The following RAB31 variants were observed in gnomAD, a reference collection of about 807,000 sequenced individuals.
RAB31 encodes the protein ras-related protein Rab-31.
In RAB31, 21 loss-of-function variants were observed where a neutral mutation model predicts 25.6. The observed-to-expected ratio is 0.82, with a 90% CI of 0.58 to 1.18. The LOEUF is 1.18. Ranked by LOEUF, RAB31 falls within the 50% of genes most tolerant of loss-of-function variation. The pLI is 0.00. For synonymous variants in RAB31, 87 were observed against 84.0 expected (o/e 1.04, Z -0.20); for missense variants, 196 against 250.1 (o/e 0.78, Z 1.46).
At chr18:9,826,300 C>T (rs1176548006) in intron 5 of RAB31, among the ~76,000 whole-genome samples, 1 of 152,146 alleles carries the variant, frequency 6.6e-6, no homozygotes, top group Non-Finnish European at 1.5e-5. Context: ...TGCTTGAACC[C>T]AGGAGGCAGA....
chr18:9,794,606 G>A (rs1057259110), intron 3 of RAB31, among the ~76,000 whole-genome samples: 17 of 152,180 alleles, frequency 1.1e-4, no homozygotes, highest in African/African-American at 4.1e-4. Flanking sequence ...CATGAGGTCA[G>A]GAGTTCGAGA....
At chr18:9,788,969 C>CA (rs991504340) in intron 2 of RAB31, among the ~76,000 whole-genome samples, 1 of 151,654 alleles carries the variant, frequency 6.6e-6, no homozygotes, top group Non-Finnish European at 1.5e-5. Context: ...GACCCCATCT[C>CA]AAAAAAACAA....
chr18:9,733,511 G>T (rs2068133743), intron 1 of RAB31, among the ~76,000 whole-genome samples: 1 of 152,174 alleles, frequency 6.6e-6, no homozygotes, highest in Non-Finnish European at 1.5e-5. Flanking sequence ...CAGGCATTCT[G>T]GAAGCCCAGG....
intron 2 of RAB31, among the ~76,000 whole-genome samples, chr18:9,783,055 C>T (rs187921600): frequency 6.6e-6 from 1 of 152,172 alleles, no homozygotes; most frequent in African/African-American, 2.4e-5. Flanking sequence ...GAGTCTTTCT[C>T]CTAGTGGCGA....
At chr18:9,843,197 G>A (rs1323784051) in intron 5 of RAB31, among the ~76,000 whole-genome samples, 1 of 152,154 alleles carries the variant, frequency 6.6e-6, no homozygotes, top group Non-Finnish European at 1.5e-5. Context: ...ATCTCCTCCT[G>A]CACCCCATTG....
At position 9,719,336 on chromosome 18, in the gene RAB31, T is replaced by TATATAA. The variant is rs1175080967; in HGVS notation, c.39+10893_39+10894insTATAAA. On this transcript the variant is annotated intron_variant, in intron 1 of 6. Coordinates refer to ENST00000578921, the MANE Select transcript of RAB31 (RefSeq NM_006868.4). Reference sequence around the variant, plus strand: ...ATATATATATATATATATAAATAAATAAATTTGATCTAATTATGAGGGAGG... The same window carrying TATATAA: ...ATATATATATATATATATAAATAAATATATAAAAATTTGATCTAATTATGAGGGAGG... Among the ~76,000 whole-genome samples, 25 of 83,892 alleles carry TATATAA rather than the reference T, an allele frequency of 3.0e-4. 1 individual carries two copies. In the East Asian group the frequency reaches 7.8e-3, roughly 26 times the overall value. 55.0% of individuals were successfully genotyped at this position (83,892 alleles called of 152,430 possible).
intron 1 of RAB31, among the ~76,000 whole-genome samples, chr18:9,724,129 G>T (rs539787036): frequency 6.0e-5 from 9 of 151,076 alleles, no homozygotes; most frequent in African/African-American, 2.2e-4. Flanking sequence ...AAATTAGCCG[G>T]GCGTAGTGGC....
At chr18:9,738,973 GA>G (rs553866545) in intron 1 of RAB31, among the ~76,000 whole-genome samples, 4 of 152,296 alleles carry the variant, frequency 2.6e-5, no homozygotes, top group Non-Finnish European at 5.9e-5. Context: ...GGTGTGTGGG[GA>G]AAACCTCCTG....
At chr18:9,837,878 A>G (rs968200978) in intron 5 of RAB31, among the ~76,000 whole-genome samples, 2 of 152,128 alleles carry the variant, frequency 1.3e-5, no homozygotes, top group East Asian at 1.9e-4. Context: ...TGGAATGTTG[A>G]TAATTGGACC....
In RAB31 at chr18:9,850,909, AG is replaced by A. The variant is rs1222611954; in HGVS notation, c.490+5220del. 1.3e-4 allele frequency among the ~76,000 whole-genome samples: 20 copies of A among 152,304 alleles called. No homozygotes were observed. In the South Asian group the frequency reaches 4.1e-3, roughly 32 times the overall value. On this transcript the variant is annotated intron_variant, in intron 6 of 6. Transcript: ENST00000578921. ...AAATAAATAAGGTAAATATATTTAG[AG>A]GTACAAGCATATTGGCTTGGAAAAT...
At chr18:9,831,800 C>T (rs1242622912) in intron 5 of RAB31, among the ~76,000 whole-genome samples, 3 of 152,244 alleles carry the variant, frequency 2.0e-5, no homozygotes, top group Non-Finnish European at 4.4e-5. Flanking sequence ...TTCTCGAACA[C>T]GGGGTGCCTC....
chr18:9,854,854 C>T (rs996898124), intron 6 of RAB31, among the ~76,000 whole-genome samples: 1 of 152,150 alleles, frequency 6.6e-6, no homozygotes, highest in Admixed American at 6.5e-5. Flanking sequence ...CAAGTCCTAG[C>T]AAACTTGGTC....
intron 1 of RAB31, among the ~76,000 whole-genome samples, chr18:9,752,690 T>C (rs1412248148): frequency 6.6e-6 from 1 of 152,246 alleles, no homozygotes; most frequent in Non-Finnish European, 1.5e-5. Flanking sequence ...TTTCTGTATG[T>C]TTTATATATT....
chr18:9,781,915 A>G (rs1036849110), intron 2 of RAB31, among the ~76,000 whole-genome samples: 5 of 152,190 alleles, frequency 3.3e-5, no homozygotes, highest in African/African-American at 2.4e-5. Flanking sequence ...ACTGGCTTAT[A>G]TTAATATATT....
intron 5 of RAB31, among the ~76,000 whole-genome samples, chr18:9,833,025 C>A (rs2068686857): frequency 6.6e-6 from 1 of 152,094 alleles, no homozygotes. Flanking sequence ...CTGCCTGGAC[C>A]TCGACCAGAG....
chr18:9,752,999 T>C (rs887577136), intron 1 of RAB31, among the ~76,000 whole-genome samples: 2 of 152,230 alleles, frequency 1.3e-5, no homozygotes, highest in Non-Finnish European at 2.9e-5. Context: ...ATATGTACAG[T>C]GGAATTTCAT....
rs1315312920 is a variant in RAB31, at chr18:9,708,569, G to C, written c.39+125G>C. On this transcript the variant is annotated intron_variant, in intron 1 of 6. Transcript: ENST00000578921. This position sits in a 1 kb window ranked among gnomAD's most constrained non-coding sequence, Gnocchi z 6.4. Reference sequence around the variant, plus strand: ...TCTCCGCACCCCTCTCGTAGCCCCCGTCCCCCTCGTCCGCGCGCCCCCTGG... The same window carrying C: ...TCTCCGCACCCCTCTCGTAGCCCCCCTCCCCCTCGTCCGCGCGCCCCCTGG... The C allele has an allele frequency of 2.6e-6, 2 of 781,920 alleles. No individual in the cohort carries two copies. The highest frequency in any genetic ancestry group is 3.6e-6 in the Non-Finnish European group (2 of 561,972). 48.4% of individuals were successfully genotyped at this position (781,920 alleles called of 1,614,324 possible). A position where few individuals can be genotyped will look rare whatever the true frequency, so the allele number is the denominator to read the frequency against.
At chr18:9,815,250 T>A in intron 5 of RAB31, 28 bp downstream of exon 5, 1 of 1,450,784 alleles carries the variant, frequency 6.9e-7, no homozygotes, top group Non-Finnish European at 9.4e-7. Context: ...CTCTTTTGTG[T>A]AGATACTGTC....
At chr18:9,721,933 G>A (rs1294087007) in intron 1 of RAB31, among the ~76,000 whole-genome samples, 2 of 152,136 alleles carry the variant, frequency 1.3e-5, no homozygotes, top group African/African-American at 4.8e-5. Context: ...CTGAAAGGAG[G>A]CATCTGAGTG....
Sources: gnomAD v4.1 joint callset for allele counts (sites outside exome capture counted in the v4.1 genomes callset) on GRCh38, gnomAD v4.1.1 for gene constraint, Gnocchi (gnomAD v3.1) non-coding constraint, MANE v1.5 for transcripts, NCBI Gene and HGNC (gene_info 2026-07-23, HGNC 2026-07-21) for gene names.